Variants in NEDD9 observed in about 807,000 individuals in gnomAD.
The protein encoded by NEDD9 is enhancer of filamentation 1.
NEDD9 carries 26 observed loss-of-function variants against 76.6 expected under a neutral mutation model. The observed-to-expected ratio is 0.34, with a 90% CI of 0.25 to 0.47. The LOEUF (loss-of-function observed/expected upper bound fraction) is 0.47, where lower values mean the gene tolerates loss of function less well. Among genes scored for constraint, NEDD9 ranks in the 20% least tolerant of loss-of-function variants. The pLI is 1.00. For missense variants in NEDD9, 937 were observed against 1,058.5 expected, an observed-to-expected ratio of 0.89 and a Z score of 1.59; for synonymous variants, 392 against 414.2, an observed-to-expected ratio of 0.95 and a Z score of 0.65.
At chr6:11,194,640 C>T (rs1353606155) in intron 2 of NEDD9, among the ~76,000 whole-genome samples, 1 of 152,198 alleles carries the variant, frequency 6.6e-6, no homozygotes, top group Non-Finnish European at 1.5e-5. Flanking sequence ...TTCAGGTCTC[C>T]TGACCTCTGG....
chr6:11,250,379 A>G lies in NEDD9; in HGVS notation c.13-36652T>C, dbSNP rs189316630. 5.9e-5 allele frequency among the ~76,000 whole-genome samples: 9 copies of G among 152,272 alleles called. No homozygotes were observed. In the East Asian group the frequency reaches 1.5e-3, roughly 26 times the overall value. ...TGCTGGAATCCCCATGTCACCCTCCATTAATTTCTTTGTCAAGGTAGTTTC... is the reference window on the plus strand; with the variant it reads ...TGCTGGAATCCCCATGTCACCCTCCGTTAATTTCTTTGTCAAGGTAGTTTC... On this transcript the variant is annotated intron_variant, in intron 3 of 3. Coordinates refer to the NEDD9 transcript ENST00000397378.
intron 3 of NEDD9, among the ~76,000 whole-genome samples, chr6:11,268,991 T>C (rs758631604): frequency 2.6e-5 from 4 of 152,290 alleles, no homozygotes; most frequent in African/African-American, 4.8e-5. Context: ...AAATTTCTTA[T>C]TACGTAAAAG....
At chr6:11,327,617 G>A (rs928030829) in intron 2 of NEDD9, among the ~76,000 whole-genome samples, 1 of 152,206 alleles carries the variant, frequency 6.6e-6, no homozygotes, top group African/African-American at 2.4e-5. Context: ...GATAACTTCA[G>A]TGCCTCATGC....
intron 1 of NEDD9, among the ~76,000 whole-genome samples, chr6:11,225,048 T>C (rs1759268370): frequency 6.6e-6 from 1 of 152,204 alleles, no homozygotes; most frequent in South Asian, 2.1e-4. Flanking sequence ...TACACGTGTT[T>C]TGGTTACTGC....
upstream of NEDD9, chr6:11,233,524 G>A (rs1759542083): frequency 3.9e-6 from 2 of 518,680 alleles, no homozygotes; most frequent in Admixed American, 1.9e-5. Context: ...GAACACTGCA[G>A]TGTTTTTCCT....
chr6:11,341,863 C>T (rs537951973), intron 1 of NEDD9, among the ~76,000 whole-genome samples: 33 of 152,028 alleles, frequency 2.2e-4, no homozygotes, highest in African/African-American at 8.0e-4. Context: ...CTAAGATGGA[C>T]CAAATGTTGG....
At chr6:11,350,405 T>C (rs1040946327) in intron 1 of NEDD9, among the ~76,000 whole-genome samples, 4 of 152,192 alleles carry the variant, frequency 2.6e-5, no homozygotes, top group African/African-American at 7.2e-5. Context: ...CACCATTACA[T>C]AACTCATTAT....
At chr6:11,377,065 C>T (rs951690708) in intron 1 of NEDD9, among the ~76,000 whole-genome samples, 10 of 152,222 alleles carry the variant, frequency 6.6e-5, no homozygotes, top group Non-Finnish European at 1.3e-4. Flanking sequence ...GTGAAGAAGG[C>T]TTGGTGGCTT....
intron 1 of NEDD9, among the ~76,000 whole-genome samples, chr6:11,343,573 T>C (rs900250270): frequency 6.6e-6 from 1 of 152,238 alleles, no homozygotes; most frequent in African/African-American, 2.4e-5. Flanking sequence ...CCTCCTAGAA[T>C]GTAACTTCCA....
At chr6:11,221,097 T>C (rs1003365384) in intron 1 of NEDD9, among the ~76,000 whole-genome samples, 3 of 152,096 alleles carry the variant, frequency 2.0e-5, no homozygotes, top group African/African-American at 7.2e-5. Flanking sequence ...TTAAAGAAGG[T>C]GGAGGCCGCG....
At chr6:11,310,310 C>T (rs1407666317) in intron 2 of NEDD9, among the ~76,000 whole-genome samples, 3 of 152,220 alleles carry the variant, frequency 2.0e-5, no homozygotes, top group Non-Finnish European at 4.4e-5. Context: ...CACATGCCCA[C>T]TTCCCTCTCT....
chr6:11,322,241 C>G (rs1466082143), intron 2 of NEDD9, among the ~76,000 whole-genome samples: 4 of 152,112 alleles, frequency 2.6e-5, no homozygotes, highest in Non-Finnish European at 5.9e-5. Context: ...GGCTTAAAAC[C>G]TAGATGACGG....
intron 2 of NEDD9, among the ~76,000 whole-genome samples, chr6:11,210,068 C>T (rs1035132495): frequency 6.8e-6 from 1 of 147,650 alleles, no homozygotes; most frequent in South Asian, 2.2e-4. Context: ...GAATTTTGAA[C>T]TATGGAAAGT....
intron 2 of NEDD9, among the ~76,000 whole-genome samples, chr6:11,306,477 AG>A (rs1029506460): frequency 6.6e-6 from 1 of 152,222 alleles, no homozygotes; most frequent in Admixed American, 6.5e-5. Flanking sequence ...GAGGGCACAA[AG>A]GAAGGTCAAT....
chr6:11,208,186 A>G (rs1758666936), intron 2 of NEDD9, among the ~76,000 whole-genome samples: 1 of 152,090 alleles, frequency 6.6e-6, no homozygotes, highest in Non-Finnish European at 1.5e-5. Context: ...TCAAAAAAAA[A>G]AAAAAAAAGC....
At chr6:11,211,149 G>C (rs1483305676) in intron 2 of NEDD9, among the ~76,000 whole-genome samples, 1 of 152,146 alleles carries the variant, frequency 6.6e-6, no homozygotes, top group Non-Finnish European at 1.5e-5. Context: ...ACTGAGTGTA[G>C]ACTTAAAAAA....
chr6:11,208,570 C>A (rs1183917889), intron 2 of NEDD9, among the ~76,000 whole-genome samples: 6 of 152,216 alleles, frequency 3.9e-5, no homozygotes, highest in African/African-American at 7.2e-5. Context: ...TTCATTGGTT[C>A]ACTGGGCTGC....
intron 1 of NEDD9, among the ~76,000 whole-genome samples, chr6:11,335,576 C>T (rs879702725): frequency 4.6e-5 from 7 of 152,230 alleles, no homozygotes; most frequent in Non-Finnish European, 7.3e-5. Flanking sequence ...CCATATTCAC[C>T]TGACCTCTCG....
intron 1 of NEDD9, among the ~76,000 whole-genome samples, chr6:11,351,794 G>A (rs554554395): frequency 3.3e-4 from 50 of 152,344 alleles, no homozygotes; most frequent in African/African-American, 1.1e-3. Flanking sequence ...TCTGTGTCAT[G>A]TAAAACTTAT....
Sources: allele counts gnomAD v4.1 joint callset (sites outside exome capture counted in the v4.1 genomes callset), GRCh38; gene constraint gnomAD v4.1.1; transcripts MANE v1.5; gene names NCBI Gene and HGNC (gene_info 2026-07-23, HGNC 2026-07-21).